Variants in TRIM4 observed in about 807,000 individuals in gnomAD.
The protein encoded by TRIM4 is E3 ubiquitin-protein ligase TRIM4.
In TRIM4, 29 loss-of-function variants were observed where a neutral mutation model predicts 33.7. The ratio of observed to expected loss-of-function variants is 0.86; its 90% CI spans 0.64 to 1.17. The LOEUF (loss-of-function observed/expected upper bound fraction) is 1.17, where lower values mean the gene tolerates loss of function less well. TRIM4 is among the 50% of genes most tolerant of loss of function. The pLI is 0.00. For missense variants in TRIM4, 554 were observed against 593.7 expected, an observed-to-expected ratio of 0.93 and a Z score of 0.69; for synonymous variants, 224 against 233.0, an observed-to-expected ratio of 0.96 and a Z score of 0.35.
intron 3 of TRIM4, among the ~76,000 whole-genome samples, chr7:99,905,905 G>A (rs1228937518): frequency 2.0e-5 from 3 of 152,160 alleles, no homozygotes; most frequent in African/African-American, 7.2e-5. Context: ...AGCACTTTGC[G>A]AAGCCAAGGC....
intron 1 of TRIM4, among the ~76,000 whole-genome samples, chr7:99,915,508 T>C (rs909522021): frequency 2.0e-4 from 31 of 152,172 alleles, no homozygotes; most frequent in African/African-American, 9.7e-5. Flanking sequence ...ATATTTTCCA[T>C]GGATTTAGGG....
intron 1 of TRIM4, 48 bp from the exon 2 acceptor site, chr7:99,909,708 A>T: frequency 1.5e-6 from 2 of 1,326,762 alleles, no homozygotes; most frequent in Admixed American, 2.3e-5. Context: ...TCCAACCATC[A>T]TCATCTTCTT....
intron 4 of TRIM4, 41 bp downstream of exon 4, chr7:99,903,535 C>G: frequency 6.2e-7 from 1 of 1,613,540 alleles, no homozygotes; most frequent in Non-Finnish European, 8.5e-7. Flanking sequence ...TGTATCTTTA[C>G]CATGCCACCC....
intron 5 of TRIM4, among the ~76,000 whole-genome samples, chr7:99,903,000 TGAA>T (rs1317396696): frequency 1.3e-5 from 2 of 152,122 alleles, no homozygotes; most frequent in African/African-American, 2.4e-5. Flanking sequence ...TACGAACTCA[TGAA>T]GAAGTGAACA....
rs1445017510 is a variant in TRIM4, at chr7:99,891,780, A to T, written c.*383T>A. The stretch of plus-strand genomic sequence containing the variant: ...GGCGTAATTATCTCATATAACAAGA[A>T]GCTTGGCATGAAGGAAATTTCAACA... On this transcript the variant is annotated 3_prime_UTR_variant, in exon 6 of 6. Transcript: ENST00000349062. 1 of 184,922 alleles carries T rather than the reference A, an allele frequency of 5.4e-6. No individual in the cohort carries two copies. The highest frequency in any genetic ancestry group is 1.1e-5 in the Non-Finnish European group (1 of 87,626). The allele number at this position is 184,922 out of a possible 1,614,324, so 11.5% of individuals were successfully genotyped here. A position where few individuals can be genotyped will look rare whatever the true frequency, so the allele number is the denominator to read the frequency against.
At chr7:99,895,893 G>A (rs1236386621) in intron 5 of TRIM4, among the ~76,000 whole-genome samples, 1 of 151,160 alleles carries the variant, frequency 6.6e-6, no homozygotes, top group African/African-American at 2.4e-5. Flanking sequence ...TGCTTTAAAC[G>A]TATATGGTTC....
At chr7:99,913,707 T>G (rs1819494954) in intron 1 of TRIM4, among the ~76,000 whole-genome samples, 1 of 151,558 alleles carries the variant, frequency 6.6e-6, no homozygotes, top group Admixed American at 6.6e-5. Context: ...AAATAATAAT[T>G]TTTTTAAAAA....
At chr7:99,913,144 C>T (rs1185754838) in intron 1 of TRIM4, among the ~76,000 whole-genome samples, 1 of 152,034 alleles carries the variant, frequency 6.6e-6, no homozygotes, top group Non-Finnish European at 1.5e-5. Context: ...CTTAAAAAGC[C>T]TTAACAAGTC....
intron 5 of TRIM4, among the ~76,000 whole-genome samples, chr7:99,899,722 G>T (rs532423787): frequency 1.3e-5 from 2 of 152,118 alleles, no homozygotes; most frequent in Admixed American, 6.5e-5. Context: ...GAACCAAAAG[G>T]ATATATATGT....
chr7:99,916,341 C>T (rs1386988506), intron 1 of TRIM4, among the ~76,000 whole-genome samples: 1 of 152,202 alleles, frequency 6.6e-6, no homozygotes, highest in Non-Finnish European at 1.5e-5. Flanking sequence ...CATCTTCTTA[C>T]TTCTTCCATG....
In TRIM4 at chr7:99,892,084, A is replaced by C. The variant is rs1187913576; in HGVS notation, c.*79T>G. 2 of 1,269,286 alleles carry C rather than the reference A, an allele frequency of 1.6e-6. No homozygotes were observed. Among genetic ancestry groups the C allele is most frequent in the East Asian group, 4.8e-5 (2 of 42,018 alleles). The allele number at this position is 1,269,286 out of a possible 1,614,324, so 78.6% of individuals were successfully genotyped here. A position where few individuals can be genotyped will look rare whatever the true frequency, so the allele number is the denominator to read the frequency against. On this transcript the variant is annotated 3_prime_UTR_variant, in exon 6 of 6. Transcript: ENST00000349062. ...ATGGACCATCCAGGATAGAGACATG[A>C]AGGGCAGAAGAGGGCCCAGGGATGT...
intron 5 of TRIM4, among the ~76,000 whole-genome samples, chr7:99,896,985 A>G (rs77834981): frequency 0.067 from 10,143 of 152,308 alleles, 363 homozygotes; most frequent in Middle Eastern, 0.075. Flanking sequence ...AACTAGGGAG[A>G]TATTAGCTCA....
chr7:99,905,574 G>A (rs986745660), intron 3 of TRIM4, among the ~76,000 whole-genome samples: 2 of 152,150 alleles, frequency 1.3e-5, no homozygotes, highest in African/African-American at 4.8e-5. Context: ...TCTTTGCTGG[G>A]AGCTGAAGGC....
At chr7:99,912,391 G>A (rs945366809) in intron 1 of TRIM4, among the ~76,000 whole-genome samples, 1 of 152,004 alleles carries the variant, frequency 6.6e-6, no homozygotes, top group African/African-American at 2.4e-5. Context: ...AAATAGCCAG[G>A]TGTGGTGGCA....
At chr7:99,895,167 G>A (rs1818988238) in intron 5 of TRIM4, among the ~76,000 whole-genome samples, 1 of 152,140 alleles carries the variant, frequency 6.6e-6, no homozygotes, top group Non-Finnish European at 1.5e-5. Context: ...TCAGTGATTT[G>A]AGAAGTTTCT....
At chr7:99,901,732 T>C (rs1053124969) in intron 5 of TRIM4, 1 of 180,860 alleles carries the variant, frequency 5.5e-6, no homozygotes. Context: ...TTCCTGGCCC[T>C]GTGTGAGCAC....
intron 5 of TRIM4, chr7:99,901,716 G>C (rs1819172293): frequency 6.0e-6 from 1 of 167,734 alleles, no homozygotes; most frequent in African/African-American, 2.4e-5. Flanking sequence ...ATAGGAACTG[G>C]CACTGTTCCT....
chr7:99,904,070 T>G (rs761455176), intron 3 of TRIM4, among the ~76,000 whole-genome samples: 10 of 152,226 alleles, frequency 6.6e-5, no homozygotes, highest in Non-Finnish European at 1.3e-4. Context: ...GAAAATACCC[T>G]AAGTTATAAC....
In TRIM4 at chr7:99,901,897, G is replaced by A. The variant is rs917423220; in HGVS notation, c.841+1321C>T. 1.6e-5 allele frequency: 9 copies of A among 559,958 alleles called. No individual in the cohort carries two copies. The Admixed American group carries it at 1.6e-4, about 10-fold the overall frequency. The allele number at this position is 559,958 out of a possible 1,614,324, so 34.7% of individuals were successfully genotyped here. On this transcript the variant is annotated intron_variant, in intron 5 of 5. Coordinates refer to ENST00000349062, the MANE Select transcript of TRIM4 (RefSeq NM_033091.3). ...CTGTGTCCGGCTCTCTCCGCTCCAG[G>A]ATACTGCCCAGTACTTTGCGAACTC...
Sources: gnomAD v4.1 joint callset for allele counts (sites outside exome capture counted in the v4.1 genomes callset) on GRCh38, gnomAD v4.1.1 for gene constraint, MANE v1.5 for transcripts, NCBI Gene and HGNC (gene_info 2026-07-23, HGNC 2026-07-21) for gene names.